Variants in CEP128 observed in about 807,000 individuals in gnomAD.
The protein encoded by CEP128 is centrosomal protein 128.
Under a neutral mutation model 156.7 loss-of-function variants are expected in CEP128, and 132 were observed. The ratio of observed to expected loss-of-function variants is 0.84; its 90% CI spans 0.73 to 0.97. CEP128 has a LOEUF of 0.97. Among genes scored for constraint, CEP128 ranks in the 50% least tolerant of loss-of-function variants. CEP128 has a pLI of 0.00. For synonymous variants in CEP128, 469 were observed against 448.9 expected, an observed-to-expected ratio of 1.04 and a Z score of -0.57; for missense variants, 1,252 against 1,281.9, an observed-to-expected ratio of 0.98 and a Z score of 0.36.
At chr14:80,653,065 A>G (rs1484880891) in intron 19 of CEP128, among the ~76,000 whole-genome samples, 3 of 152,200 alleles carry the variant, frequency 2.0e-5, no homozygotes, top group African/African-American at 4.8e-5. Flanking sequence ...GGAAACCATC[A>G]TTCTCAGCAA....
intron 19 of CEP128, among the ~76,000 whole-genome samples, chr14:80,729,721 C>T (rs780260986): frequency 6.6e-5 from 10 of 152,066 alleles, no homozygotes; most frequent in Non-Finnish European, 1.3e-4. Flanking sequence ...TTAATTATGG[C>T]CATTCTTGCA....
chr14:80,885,880 G>T (rs1313230006), intron 8 of CEP128, among the ~76,000 whole-genome samples: 4 of 152,058 alleles, frequency 2.6e-5, no homozygotes, highest in African/African-American at 9.7e-5. Flanking sequence ...TAAGAACCTT[G>T]ATAAAAGGTT....
At chr14:80,694,322 C>A (rs1326009166) in intron 19 of CEP128, among the ~76,000 whole-genome samples, 1 of 152,118 alleles carries the variant, frequency 6.6e-6, no homozygotes, top group Non-Finnish European at 1.5e-5. Flanking sequence ...TTAGTTCAAC[C>A]TTTGTGGAGG....
At chr14:80,834,848 C>A (rs1178645192) in intron 12 of CEP128, among the ~76,000 whole-genome samples, 1 of 152,142 alleles carries the variant, frequency 6.6e-6, no homozygotes, top group African/African-American at 2.4e-5. Context: ...CTTAATGAAA[C>A]TTAATGGCAT....
intron 9 of CEP128, among the ~76,000 whole-genome samples, chr14:80,857,616 C>T (rs1887254653): frequency 6.6e-6 from 1 of 151,634 alleles, no homozygotes; most frequent in Non-Finnish European, 1.5e-5. Context: ...TGATGCCTGC[C>T]TGTAGTCCCA....
intron 19 of CEP128, among the ~76,000 whole-genome samples, chr14:80,634,923 T>G (rs1210888481): frequency 6.6e-6 from 1 of 152,206 alleles, no homozygotes; most frequent in Non-Finnish European, 1.5e-5. Context: ...GAACCACCAG[T>G]TGCTTCCCAC....
At chr14:80,529,402 A>G (rs1288468859) in intron 22 of CEP128, among the ~76,000 whole-genome samples, 2 of 152,238 alleles carry the variant, frequency 1.3e-5, no homozygotes, top group African/African-American at 4.8e-5. Context: ...TCACTAGCTC[A>G]TAGGATTAAA....
chr14:80,654,690 T>G (rs1293834972), intron 19 of CEP128, among the ~76,000 whole-genome samples: 1 of 152,218 alleles, frequency 6.6e-6, no homozygotes, highest in South Asian at 2.1e-4. Context: ...AAGTATTTTA[T>G]AAAAACATTT....
chr14:80,785,147 C>G lies in CEP128; in HGVS notation c.1959G>C (p.Glu653Asp). 2 of 1,614,144 alleles carry G rather than the reference C, an allele frequency of 1.2e-6. No homozygotes were observed. Among genetic ancestry groups the G allele is most frequent in the East Asian group, 2.2e-5 (1 of 44,878 alleles). Residue 653 changes from glutamate (E) to aspartate (D), a missense_variant, in exon 15 of 25, where the codon GAG becomes GAC. Transcript: ENST00000555265. ...GCACTGCTTTCTTGGCTCTCTCTTC[C>G]TCAGCCAATTTATTAGCAAGATCTG... ...IRADLANKLAEEERAKKAVLK... is the reference protein window; with the variant it reads ...IRADLANKLADEERAKKAVLK...
chr14:80,892,682 AC>A (rs1397692267), intron 8 of CEP128, among the ~76,000 whole-genome samples: 1 of 146,666 alleles, frequency 6.8e-6, no homozygotes, highest in Non-Finnish European at 1.5e-5. Context: ...TTTACAAAGA[AC>A]TCATACAACT....
rs868205919 is a variant in CEP128 at position 80,876,380 on chromosome 14, A to G, written c.646-13507T>C. Among the ~76,000 whole-genome samples, 61 of 152,060 alleles carry G rather than the reference A, an allele frequency of 4.0e-4. No individual in the cohort carries two copies. The Middle Eastern group carries it at 0.01, about 25-fold the overall frequency. ...TGGGAGGCCAAGGAGGGTGGATCAC[A>G]AGGTCAGGAGATCGAGACCATCCTG... On this transcript the variant is annotated intron_variant, in intron 8 of 24. Coordinates refer to ENST00000555265, the MANE Select transcript of CEP128 (RefSeq NM_152446.5).
Position 80,544,131 on chromosome 14 carries a change from C to T in CEP128, c.2881-13245G>A, listed in dbSNP as rs145141969. 4.6e-5 allele frequency among the ~76,000 whole-genome samples: 7 copies of T among 152,210 alleles called. No individual in the cohort carries two copies. In the East Asian group the frequency reaches 1.4e-3, roughly 29 times the overall value. On this transcript the variant is annotated intron_variant, in intron 21 of 24. Coordinates refer to ENST00000555265, the MANE Select transcript of CEP128 (RefSeq NM_152446.5). Reference sequence around the variant, plus strand: ...CAGATTTTATTCTGCTAAAGCTGACCAGATTCAGCTCAAGAACATTCTTTG... The same window carrying T: ...CAGATTTTATTCTGCTAAAGCTGACTAGATTCAGCTCAAGAACATTCTTTG...
In CEP128 at chr14:80,939,384, C is replaced by A. The variant is rs1334346679; in HGVS notation, c.-16+1G>T. The stretch of plus-strand genomic sequence containing the variant: ...GAAACTCAGGGAGAAAGCATACTTA[C>A]AAAGCACACCCCCAAAACTCCGAGT... On this transcript the variant is annotated splice_donor_variant, in intron 2 of 24. Transcript: ENST00000555265. LOFTEE classifies it low-confidence loss of function (5UTR_SPLICE). 2.2e-4 allele frequency: 34 copies of A among 152,164 alleles called. No individual in the cohort carries two copies. The highest frequency in any genetic ancestry group is 2.2e-3 in the Admixed American group (34 of 15,288). 9.4% of individuals were successfully genotyped at this position (152,164 alleles called of 1,614,324 possible). A position where few individuals can be genotyped will look rare whatever the true frequency, so the allele number is the denominator to read the frequency against.
chr14:80,524,806 A>G (rs1282517714), intron 23 of CEP128, among the ~76,000 whole-genome samples: 1 of 152,212 alleles, frequency 6.6e-6, no homozygotes. Context: ...GTGGAACAAC[A>G]CCATCATAAA....
intron 19 of CEP128, among the ~76,000 whole-genome samples, chr14:80,729,057 GGGTGT>G (rs1258887774): frequency 8.0e-4 from 82 of 102,164 alleles, no homozygotes; most frequent in East Asian, 4.4e-3. Flanking sequence ...GGGCTGGTGG[GGGTGT>G]GTGTGTGTGT....
intron 19 of CEP128, among the ~76,000 whole-genome samples, chr14:80,619,673 G>C (rs974223347): frequency 4.1e-5 from 6 of 147,674 alleles, no homozygotes; most frequent in African/African-American, 1.5e-4. Context: ...CTGCACTCCA[G>C]CCTGGGCAAC....
chr14:80,849,568 A>G (rs1015566038), intron 9 of CEP128, among the ~76,000 whole-genome samples: 2 of 152,220 alleles, frequency 1.3e-5, no homozygotes, highest in Non-Finnish European at 2.9e-5. Context: ...ATGGACAAAG[A>G]TATATAAGAA....
intron 23 of CEP128, among the ~76,000 whole-genome samples, chr14:80,506,474 T>C (rs1350032274): frequency 4.7e-5 from 7 of 150,442 alleles, no homozygotes; most frequent in South Asian, 2.1e-4. Context: ...CAGCACAGGA[T>C]TGAAGGATGA....
Position 80,649,000 on chromosome 14 carries a change from C to T in CEP128, c.2807-68577G>A, listed in dbSNP as rs1189050005. 6.6e-5 allele frequency among the ~76,000 whole-genome samples: 10 copies of T among 151,926 alleles called. No homozygotes were observed. In the East Asian group the frequency reaches 1.2e-3, roughly 18 times the overall value. On this transcript the variant is annotated intron_variant, in intron 19 of 24. Transcript: ENST00000555265. ...TAAAAGAATTTGAGATCAAAGGTGC[C>T]GAGGTAATCTAACTGATGTAAGAAA...
Sources: allele counts gnomAD v4.1 joint callset (sites outside exome capture counted in the v4.1 genomes callset), GRCh38; gene constraint gnomAD v4.1.1; transcripts MANE v1.5; gene names NCBI Gene and HGNC (gene_info 2026-07-23, HGNC 2026-07-21).